EFNA5: variants seen among roughly 807,000 people sequenced by gnomAD.
EFNA5 encodes ephrin-A5.
A neutral mutation model predicts 22.9 loss-of-function variants in EFNA5; 5 were observed. The observed-to-expected ratio is 0.22, with a 90% CI of 0.11 to 0.46. The LOEUF (loss-of-function observed/expected upper bound fraction) is 0.46, where lower values mean the gene tolerates loss of function less well. Ranked by LOEUF, EFNA5 falls within the 20% of genes least tolerant of loss-of-function variation. The pLI is 0.99. For missense variants in EFNA5, 237 were observed against 293.3 expected (o/e 0.81, Z 1.40); for synonymous variants, 113 against 112.2 (o/e 1.01, Z -0.04).
At chr5:107,450,673 G>A (rs773815624) in intron 1 of EFNA5, among the ~76,000 whole-genome samples, 10 of 152,150 alleles carry the variant, frequency 6.6e-5, no homozygotes, top group African/African-American at 9.7e-5. Context: ...CACTAAATAC[G>A]CCAACAAAGT....
chr5:107,618,792 AC>A (rs1749975274), intron 1 of EFNA5, among the ~76,000 whole-genome samples: 1 of 152,232 alleles, frequency 6.6e-6, no homozygotes, highest in Non-Finnish European at 1.5e-5. Flanking sequence ...GAAAGTGTCC[AC>A]TAAGATTAAA....
chr5:107,527,605 A>G (rs1747723140), intron 1 of EFNA5, among the ~76,000 whole-genome samples: 1 of 152,154 alleles, frequency 6.6e-6, no homozygotes, highest in South Asian at 2.1e-4. Flanking sequence ...TTTAAGGTTC[A>G]TCTAGATTGG....
intron 1 of EFNA5, among the ~76,000 whole-genome samples, chr5:107,530,589 A>T (rs1185683679): frequency 1.3e-5 from 2 of 152,226 alleles, no homozygotes; most frequent in Non-Finnish European, 2.9e-5. Flanking sequence ...AAATTTGGAA[A>T]TTTATTTTAA....
chr5:107,440,826 A>G (rs1442728085), intron 1 of EFNA5, among the ~76,000 whole-genome samples: 1 of 152,182 alleles, frequency 6.6e-6, no homozygotes, highest in Admixed American at 6.5e-5. Flanking sequence ...TGAGCCTGGG[A>G]CTAAGCACAG....
chr5:107,601,433 A>G (rs1749592263), intron 1 of EFNA5, among the ~76,000 whole-genome samples: 2 of 152,286 alleles, frequency 1.3e-5, no homozygotes, highest in Admixed American at 1.3e-4. Context: ...TCAGGACTGT[A>G]GAAGTAAGTG....
At chr5:107,572,387 CT>C (rs2112487666) in intron 1 of EFNA5, among the ~76,000 whole-genome samples, 1 of 152,280 alleles carries the variant, frequency 6.6e-6, no homozygotes, top group Admixed American at 6.5e-5. Context: ...TCACGGTTCT[CT>C]GCAGTCAGAT....
At chr5:107,393,781 T>C (rs1747847833) in intron 2 of EFNA5, among the ~76,000 whole-genome samples, 1 of 152,222 alleles carries the variant, frequency 6.6e-6, no homozygotes, top group African/African-American at 2.4e-5. Context: ...AGCATTAATA[T>C]TCCTTTCACA....
chr5:107,482,441 TA>T (rs1418326051), intron 1 of EFNA5, among the ~76,000 whole-genome samples: 1 of 152,174 alleles, frequency 6.6e-6, no homozygotes, highest in Non-Finnish European at 1.5e-5. Flanking sequence ...AGTTCTTGTT[TA>T]AACTAGAGAA....
chr5:107,670,269 C>T (rs1484399811), intron 1 of EFNA5, among the ~76,000 whole-genome samples: 14 of 151,956 alleles, frequency 9.2e-5, no homozygotes, highest in Non-Finnish European at 1.9e-4. Context: ...TAGGCAGCCC[C>T]GGGGACTCCC....
At chr5:107,478,048 C>A (rs1334296700) in intron 1 of EFNA5, among the ~76,000 whole-genome samples, 1 of 151,940 alleles carries the variant, frequency 6.6e-6, no homozygotes, top group African/African-American at 2.4e-5. Context: ...AAAGCCTGAC[C>A]AAAAACCCTG....
At chr5:107,602,795 G>A (rs1257708188) in intron 1 of EFNA5, among the ~76,000 whole-genome samples, 3 of 151,758 alleles carry the variant, frequency 2.0e-5, no homozygotes, top group Non-Finnish European at 4.4e-5. Context: ...GTCGTTAGAC[G>A]TGGCAGAGGA....
chr5:107,530,879 T>A (rs1374983774), intron 1 of EFNA5, among the ~76,000 whole-genome samples: 1 of 152,220 alleles, frequency 6.6e-6, no homozygotes, highest in Admixed American at 6.5e-5. Context: ...CTGGTACTGA[T>A]GGGTGTTTAC....
At chr5:107,407,812 A>G (rs1748263217) in intron 2 of EFNA5, among the ~76,000 whole-genome samples, 2 of 152,198 alleles carry the variant, frequency 1.3e-5, no homozygotes, top group Admixed American at 1.3e-4. Context: ...ACCATTTTAA[A>G]TAACTATGAA....
At chr5:107,632,761 C>T (rs1750285619) in intron 1 of EFNA5, among the ~76,000 whole-genome samples, 1 of 152,290 alleles carries the variant, frequency 6.6e-6, no homozygotes, top group East Asian at 1.9e-4. Context: ...CTCAAACACT[C>T]TCCTTATGCA....
chr5:107,435,862 T>C (rs771201460), intron 1 of EFNA5, among the ~76,000 whole-genome samples: 1 of 152,184 alleles, frequency 6.6e-6, no homozygotes, highest in Non-Finnish European at 1.5e-5. Context: ...GTTTTGATAA[T>C]TAAAAATTCT....
chr5:107,643,417 G>C (rs1024411965), intron 1 of EFNA5, among the ~76,000 whole-genome samples: 1 of 152,140 alleles, frequency 6.6e-6, no homozygotes, highest in Admixed American at 6.5e-5. Flanking sequence ...TCCCTCTATT[G>C]ATTGCTTCCT....
chr5:107,653,293 C>G (rs1750769055), intron 1 of EFNA5, among the ~76,000 whole-genome samples: 1 of 152,044 alleles, frequency 6.6e-6, no homozygotes, highest in East Asian at 1.9e-4. Context: ...GTCAGCGTTT[C>G]TGCACTTCAG....
At chr5:107,535,153 T>G (rs982953826) in intron 1 of EFNA5, among the ~76,000 whole-genome samples, 3 of 151,926 alleles carry the variant, frequency 2.0e-5, no homozygotes, top group African/African-American at 7.3e-5. Flanking sequence ...AATGGCAGAG[T>G]GGCATTCAAC....
At chr5:107,458,997 T>C (rs1483933993) in intron 1 of EFNA5, among the ~76,000 whole-genome samples, 1 of 152,204 alleles carries the variant, frequency 6.6e-6, no homozygotes, top group Non-Finnish European at 1.5e-5. Flanking sequence ...GACACCAAAA[T>C]ATACTTTTCC....
Sources: allele counts gnomAD v4.1 joint callset (sites outside exome capture counted in the v4.1 genomes callset), GRCh38; gene constraint gnomAD v4.1.1; transcripts MANE v1.5; gene names NCBI Gene and HGNC (gene_info 2026-07-23, HGNC 2026-07-21).